Variants in USO1 observed in about 807,000 individuals in gnomAD.
The protein encoded by USO1 is USO1 vesicle transport factor, also known as general vesicular transport factor p115.
USO1 carries 57 observed loss-of-function variants against 124.5 expected under a neutral mutation model. That is an observed-to-expected ratio of 0.46 (90% CI 0.37 to 0.57). The LOEUF (loss-of-function observed/expected upper bound fraction) is 0.57, where lower values mean the gene tolerates loss of function less well. Ranked by LOEUF, USO1 falls within the 20% of genes least tolerant of loss-of-function variation. The pLI is 0.00. For missense variants in USO1, 900 were observed against 1,040.6 expected (o/e 0.86, Z 1.86); for synonymous variants, 369 against 362.8 (o/e 1.02, Z -0.19).
In USO1 at chr4:75,782,745, A is replaced by C; in HGVS notation, c.742A>C (p.Asn248His). The C allele has an allele frequency of 6.3e-7, 1 of 1,582,586 alleles. No homozygotes were observed. Among genetic ancestry groups the C allele is most frequent in the Non-Finnish European group, 8.6e-7 (1 of 1,165,750 alleles). ...NLLKNNNSNQ[N>H]FFKEGSYIQR... The stretch of plus-strand genomic sequence containing the variant: ...ATTAAAAAACAACAACTCCAATCAA[A>C]ATTTTTTTAAAGAAGGCTCATATAT... Residue 248 changes from asparagine to histidine, a missense_variant, in exon 9 of 24, where the codon AAT becomes CAT. Asn to His is a moderately conservative substitution (Grantham distance 68, BLOSUM62 1). Transcript: ENST00000514213.
intron 1 of USO1, among the ~76,000 whole-genome samples, chr4:75,732,085 G>T (rs1365871191): frequency 6.6e-6 from 1 of 152,136 alleles, no homozygotes; most frequent in East Asian, 1.9e-4. Context: ...TGTTGCTAAG[G>T]TTTGATGTAT....
At chr4:75,770,613 G>T in intron 5 of USO1, 74 bp downstream of exon 5, 5 of 1,501,574 alleles carry the variant, frequency 3.3e-6, no homozygotes, top group Non-Finnish European at 4.5e-6. Context: ...TATTGAGGAA[G>T]TAACATGTAT....
intron 1 of USO1, among the ~76,000 whole-genome samples, chr4:75,742,557 C>G (rs1679519472): frequency 6.6e-6 from 1 of 152,126 alleles, no homozygotes; most frequent in African/African-American, 2.4e-5. Flanking sequence ...ATGTGTTATT[C>G]AGATGGTGAA....
intron 7 of USO1, among the ~76,000 whole-genome samples, chr4:75,772,469 C>G (rs938472982): frequency 6.6e-6 from 1 of 151,990 alleles, no homozygotes; most frequent in Admixed American, 6.6e-5. Context: ...GAACTCCTGA[C>G]CTTGTGATCC....
intron 1 of USO1, among the ~76,000 whole-genome samples, chr4:75,740,281 C>T (rs1720921249): frequency 6.6e-6 from 1 of 152,112 alleles, no homozygotes; most frequent in Non-Finnish European, 1.5e-5. Context: ...TGTATTTTCT[C>T]TAGGACCAGT....
intron 1 of USO1, among the ~76,000 whole-genome samples, chr4:75,746,576 A>G (rs572150519): frequency 2.9e-4 from 44 of 152,364 alleles, no homozygotes; most frequent in African/African-American, 1.0e-3. Context: ...AAACATGACT[A>G]GGTCTTTGTA....
At chr4:75,797,483 CT>C (rs1560458687) in intron 13 of USO1, among the ~76,000 whole-genome samples, 7 of 99,852 alleles carry the variant, frequency 7.0e-5, no homozygotes, top group South Asian at 3.0e-4. Flanking sequence ...TCTCTTTTTT[CT>C]TTTTTTTTAC....
At chr4:75,725,152 G>T in intron 1 of USO1, among the ~76,000 whole-genome samples, 1 of 152,222 alleles carries the variant, frequency 6.6e-6, no homozygotes. Flanking sequence ...TAGGAGAGTG[G>T]TCCGCAGGTG....
chr4:75,787,167 A>G lies in USO1; in HGVS notation c.961A>G (p.Met321Val). Residue 321 changes from methionine (M) to valine (V), a missense_variant, in exon 10 of 24, where the codon ATG becomes GTG. This residue lies in a region of USO1 where 538 missense variants were observed against 681.6 expected (regional missense o/e 0.79). Coordinates refer to ENST00000514213, the MANE Select transcript of USO1 (RefSeq NM_003715.4). ...GLLQQLCTILMATGVPADILT... is the reference protein window; with the variant it reads ...GLLQQLCTILVATGVPADILT... ...ATTGCAGCAGCTTTGTACTATCCTA[A>G]TGGCTACTGGGGTTCCTGCTGATAT... 6.3e-7 allele frequency: 1 copy of G among 1,582,848 alleles called. No homozygotes were observed. Among genetic ancestry groups the G allele is most frequent in the South Asian group, 1.2e-5 (1 of 86,590 alleles).
chr4:75,795,651 TTC>T (rs1487679689), intron 13 of USO1, among the ~76,000 whole-genome samples: 1 of 152,190 alleles, frequency 6.6e-6, no homozygotes, highest in African/African-American at 2.4e-5. Flanking sequence ...TTTGTGTTTT[TTC>T]TCCAAGCTTG....
rs1324750641 is a variant in USO1, at chr4:75,724,674, T to G, written c.-146T>G. The stretch of plus-strand genomic sequence containing the variant: ...GCGGCTGTTTCCGGGCTTAGAGGGC[T>G]GGAGTGGCCGCCGAGTTGGAGGCGG... On this transcript the variant is annotated 5_prime_UTR_variant, in exon 1 of 24. Coordinates refer to ENST00000514213, the MANE Select transcript of USO1 (RefSeq NM_003715.4). 1 of 748,786 alleles carries G rather than the reference T, an allele frequency of 1.3e-6. No individual in the cohort carries two copies. Among genetic ancestry groups the G allele is most frequent in the East Asian group, 3.0e-5 (1 of 33,724 alleles). The allele number at this position is 748,786 out of a possible 1,614,324, so 46.4% of individuals were successfully genotyped here. A position where few individuals can be genotyped will look rare whatever the true frequency, so the allele number is the denominator to read the frequency against.
In USO1 at chr4:75,759,888, G is replaced by A. The variant is rs577185485; in HGVS notation, c.295+2315G>A. ...TGTGCCACTGCACTCTCCAGCCTGG[G>A]CAACAGAACAAGACTCTGTCTTAAA... On this transcript the variant is annotated intron_variant, in intron 4 of 23. Coordinates refer to ENST00000514213, the MANE Select transcript of USO1 (RefSeq NM_003715.4). Among the ~76,000 whole-genome samples the A allele has an allele frequency of 6.6e-5, 10 of 150,884 alleles. No homozygotes were observed. The East Asian group carries it at 1.8e-3, about 27-fold the overall frequency.
chr4:75,789,334 G>A (rs35744199), intron 10 of USO1, among the ~76,000 whole-genome samples: 4,636 of 152,264 alleles, frequency 0.03, 99 homozygotes, highest in Non-Finnish European at 0.045. Context: ...CTGGAGTGCA[G>A]TGGCACTATT....
chr4:75,741,456 CTTT>C (rs1430368218), intron 1 of USO1, among the ~76,000 whole-genome samples: 1 of 152,060 alleles, frequency 6.6e-6, no homozygotes, highest in African/African-American at 2.4e-5. Flanking sequence ...TTTACTATAA[CTTT>C]TTAACTTCAT....
At chr4:75,766,833 G>A (rs1721780530) in intron 4 of USO1, among the ~76,000 whole-genome samples, 1 of 152,142 alleles carries the variant, frequency 6.6e-6, no homozygotes, top group South Asian at 2.1e-4. Flanking sequence ...GAGTTTAACT[G>A]GTCTTACTCA....
In USO1 at chr4:75,770,300, T is replaced by C. The variant is rs1038559750; in HGVS notation, c.296-139T>C. 1.1e-5 allele frequency: 7 copies of C among 628,746 alleles called. No homozygotes were observed. The African/African-American group carries it at 1.1e-4, about 10-fold the overall frequency. 38.9% of individuals were successfully genotyped at this position (628,746 alleles called of 1,614,324 possible). On this transcript the variant is annotated intron_variant, in intron 4 of 23. Coordinates refer to ENST00000514213, the MANE Select transcript of USO1 (RefSeq NM_003715.4). ...AGGATATAGCTTTACATAATAATTG[T>C]GATATTGCTACCAGCCACACTGTTC...
At chr4:75,728,640 G>A (rs761749253) in intron 1 of USO1, among the ~76,000 whole-genome samples, 3 of 152,172 alleles carry the variant, frequency 2.0e-5, no homozygotes, top group African/African-American at 7.2e-5. Context: ...GCGAGAGAGC[G>A]AGACTGTCTC....
intron 4 of USO1, among the ~76,000 whole-genome samples, chr4:75,767,842 A>G (rs536003681): frequency 6.6e-6 from 1 of 152,134 alleles, no homozygotes; most frequent in Non-Finnish European, 1.5e-5. Flanking sequence ...GGTTTTTTGC[A>G]TTTGCAAACC....
intron 1 of USO1, among the ~76,000 whole-genome samples, chr4:75,730,405 A>T (rs541428897): frequency 4.9e-4 from 74 of 152,302 alleles, no homozygotes; most frequent in South Asian, 2.5e-3. Flanking sequence ...AGATATTTTT[A>T]AAATGTAGAT....
Sources: allele counts gnomAD v4.1 joint callset (sites outside exome capture counted in the v4.1 genomes callset), GRCh38; gene constraint gnomAD v4.1.1; regional missense constraint gnomAD v4.1.1; transcripts MANE v1.5; gene names NCBI Gene and HGNC (gene_info 2026-07-23, HGNC 2026-07-21).